Variants in ZNF676 observed in about 807,000 individuals in gnomAD.
ZNF676 encodes zinc finger protein 676.
In ZNF676, 4 loss-of-function variants were observed where a neutral mutation model predicts 6.0. The ratio of observed to expected loss-of-function variants is 0.67; its 90% CI spans 0.33 to 1.53. ZNF676 has a LOEUF of 1.53. Among genes scored for constraint, ZNF676 ranks in the 40% most tolerant of loss-of-function variants. The pLI is 0.06. For missense variants in ZNF676, 644 were observed against 679.7 expected (o/e 0.95, Z 0.58); for synonymous variants, 198 against 223.1 (o/e 0.89, Z 1.00).
chr19:22,230,488 A>G, the ZNF676 span, among the ~76,000 whole-genome samples: 1 of 142,744 alleles, frequency 7.0e-6, no homozygotes, highest in Non-Finnish European at 1.5e-5. Context: ...CTCAGAACTT[A>G]AAGTGTAATA....
At chr19:22,228,429 C>T in the ZNF676 span, among the ~76,000 whole-genome samples, 1 of 152,176 alleles carries the variant, frequency 6.6e-6, no homozygotes, top group African/African-American at 2.4e-5. Flanking sequence ...GAAGCATTCC[C>T]TTTGAAAACT....
At position 22,207,983 on chromosome 19, in the gene ZNF676, TAA is replaced by T. The variant is rs59890557; in HGVS notation, c.3+7647_3+7648del. On this transcript the variant is annotated intron_variant, in intron 1 of 3. Coordinates refer to the ZNF676 transcript ENST00000650058. ...ACTTAAATGTTAATCTTAAAAATTA[TAA>T]AAAAAAAAAAAACAAAAAACCCTGG... is the stretch of plus-strand genomic sequence containing the variant. Among the ~76,000 whole-genome samples, 413 of 129,212 alleles carry T rather than the reference TAA, an allele frequency of 3.2e-3. 2 individuals are homozygous for T. Among genetic ancestry groups the T allele is most frequent in the African/African-American group, 0.011 (401 of 35,692 alleles). The allele number at this position is 129,212 out of a possible 152,430, so 84.8% of individuals were successfully genotyped here.
the ZNF676 span, among the ~76,000 whole-genome samples, chr19:22,251,441 A>G: frequency 6.6e-6 from 1 of 152,096 alleles, no homozygotes; most frequent in Admixed American, 6.6e-5. Flanking sequence ...CTTTGAACAC[A>G]CCAGTGATCT....
intron 1 of ZNF676, among the ~76,000 whole-genome samples, chr19:22,212,596 T>C (rs2024140644): frequency 6.6e-6 from 1 of 152,034 alleles, no homozygotes; most frequent in South Asian, 2.1e-4. Flanking sequence ...TCCCAGCTGC[T>C]TGGGAGGCTG....
chr19:22,184,176 C>T (rs757926431), intron 2 of ZNF676, among the ~76,000 whole-genome samples: 1 of 152,120 alleles, frequency 6.6e-6, no homozygotes. Flanking sequence ...CTCAACGGGA[C>T]TGGTTGAACA....
intron 1 of ZNF676, among the ~76,000 whole-genome samples, chr19:22,207,936 A>G (rs759830057): frequency 1.3e-5 from 2 of 151,970 alleles, no homozygotes; most frequent in East Asian, 1.9e-4. Context: ...ATATAAAAAA[A>G]TCAACTCAAG....
chr19:22,221,019 A>G, the ZNF676 span, among the ~76,000 whole-genome samples: 89 of 152,228 alleles, frequency 5.8e-4, no homozygotes, highest in African/African-American at 2.0e-3. Flanking sequence ...CTTTTCAAAT[A>G]ACTAGCTTAT....
upstream of ZNF676, among the ~76,000 whole-genome samples, chr19:22,220,467 T>TTTTTTG (rs1555776336): frequency 1.6e-4 from 20 of 125,070 alleles, no homozygotes; most frequent in African/African-American, 5.2e-4. Flanking sequence ...GGCAGTTTTT[T>TTTTTTG]TTTTTTTTTT....
At chr19:22,194,853 C>G (rs1016989814) in intron 1 of ZNF676, among the ~76,000 whole-genome samples, 3 of 152,074 alleles carry the variant, frequency 2.0e-5, no homozygotes, top group Admixed American at 1.3e-4. Context: ...CCAGGAACAC[C>G]AGGAAGTGCA....
At chr19:22,239,713 A>T in the ZNF676 span, among the ~76,000 whole-genome samples, 2 of 152,204 alleles carry the variant, frequency 1.3e-5, no homozygotes, top group Admixed American at 1.3e-4. Context: ...GGAGAGTCAC[A>T]ACATTTGGGT....
Position 22,179,948 on chromosome 19 carries a change from T to C in ZNF676, c.*2A>G. On this transcript the variant is annotated 3_prime_UTR_variant, in exon 3 of 3. Coordinates refer to ENST00000397121, the MANE Select transcript of ZNF676 (RefSeq NM_001001411.3). ...GAAGGATTTACCACATTCTTCACATTTTTAGGGATTCTCTCCAGTATGAAT... is the reference window on the plus strand; with the variant it reads ...GAAGGATTTACCACATTCTTCACATCTTTAGGGATTCTCTCCAGTATGAAT... 6.2e-7 allele frequency: 1 copy of C among 1,612,152 alleles called. No individual in the cohort carries two copies. Among genetic ancestry groups the C allele is most frequent in the African/African-American group, 1.3e-5 (1 of 74,864 alleles).
At chr19:22,198,347 T>C (rs2023991937), upstream of ZNF676, among the ~76,000 whole-genome samples, 2 of 152,120 alleles carry the variant, frequency 1.3e-5, no homozygotes, top group African/African-American at 4.8e-5. Flanking sequence ...AAAAAATATA[T>C]TTTTCAGAGA....
chr19:22,236,170 C>A, the ZNF676 span, among the ~76,000 whole-genome samples: 2 of 151,876 alleles, frequency 1.3e-5, no homozygotes, highest in East Asian at 3.9e-4. Flanking sequence ...CAGGTAGAGG[C>A]AGCTCTAATG....
chr19:22,215,959 G>A (rs920395286), upstream of ZNF676, among the ~76,000 whole-genome samples: 13 of 152,196 alleles, frequency 8.5e-5, no homozygotes, highest in Non-Finnish European at 1.9e-4. Flanking sequence ...GCCTTTTCAG[G>A]CAGGGCTTCC....
the ZNF676 span, among the ~76,000 whole-genome samples, chr19:22,248,596 G>A: frequency 6.6e-6 from 1 of 152,208 alleles, no homozygotes; most frequent in African/African-American, 2.4e-5. Context: ...TGCAATGGGT[G>A]GGTCTTTCAC....
chr19:22,206,824 A>G (rs931257181), intron 1 of ZNF676, among the ~76,000 whole-genome samples: 1 of 152,242 alleles, frequency 6.6e-6, no homozygotes, highest in African/African-American at 2.4e-5. Flanking sequence ...TTCATCACAT[A>G]AACAGAATTA....
chr19:22,202,617 A>T (rs2024037284), intron 1 of ZNF676, among the ~76,000 whole-genome samples: 1 of 152,226 alleles, frequency 6.6e-6, no homozygotes, highest in South Asian at 2.1e-4. Flanking sequence ...AAACTGTTTT[A>T]TTACACAATT....
intron 1 of ZNF676, among the ~76,000 whole-genome samples, chr19:22,206,089 AC>A: frequency 6.6e-6 from 1 of 151,040 alleles, no homozygotes. Context: ...ACACACACAC[AC>A]AAAATCAAAG....
chr19:22,223,407 GC>G, the ZNF676 span, among the ~76,000 whole-genome samples: 1 of 152,002 alleles, frequency 6.6e-6, no homozygotes, highest in Admixed American at 6.6e-5. Flanking sequence ...GTTTTATGTA[GC>G]TATCATTACA....
Sources: gnomAD v4.1 joint callset for allele counts (sites outside exome capture counted in the v4.1 genomes callset) on GRCh38, gnomAD v4.1.1 for gene constraint, MANE v1.5 for transcripts, NCBI Gene and HGNC (gene_info 2026-07-23, HGNC 2026-07-21) for gene names.